Variants in KCNT1 observed in about 807,000 individuals in gnomAD.
KCNT1 encodes potassium sodium-activated channel subfamily T member 1.
A neutral mutation model predicts 147.8 loss-of-function variants in KCNT1; 78 were observed. The observed-to-expected ratio is 0.53, with a 90% confidence interval of 0.44 to 0.64. The LOEUF (loss-of-function observed/expected upper bound fraction) is 0.64, where lower values mean the gene tolerates loss of function less well. Among genes scored for constraint, KCNT1 ranks in the 30% least tolerant of loss-of-function variants. The pLI, the probability that KCNT1 is intolerant of heterozygous loss-of-function variation, is 0.00. For missense variants in KCNT1, 1,419 were observed against 1,750.3 expected (o/e 0.81, Z 3.38); for synonymous variants, 867 against 748.8 (o/e 1.16, Z -2.58).
chr9:135,785,827 G>A, intron 28 of KCNT1: 1 of 427,488 alleles, frequency 2.3e-6, no homozygotes, highest in East Asian at 4.9e-5. Flanking sequence ...ACGCAGAGGG[G>A]GTGACCTCTC....
At chr9:135,711,376 G>A (rs1375102010) in intron 1 of KCNT1, among the ~76,000 whole-genome samples, 1 of 152,206 alleles carries the variant, frequency 6.6e-6, no homozygotes, top group African/African-American at 2.4e-5. Context: ...ACAGCCCAAG[G>A]TGAACCTGGA....
intron 2 of KCNT1, among the ~76,000 whole-genome samples, chr9:135,743,739 A>G (rs1169181716): frequency 6.6e-6 from 1 of 152,248 alleles, no homozygotes; most frequent in Non-Finnish European, 1.5e-5. Context: ...GTCTGGACAC[A>G]GCCGATGTTC....
rs1364405450 is a variant in KCNT1, at chr9:135,734,718, C to T, written c.255-15380C>T. Among the ~76,000 whole-genome samples the T allele has an allele frequency of 5.9e-5, 9 of 152,296 alleles. No individual in the cohort carries two copies. In the South Asian group the frequency reaches 8.3e-4, roughly 14 times the overall value. On this transcript the variant is annotated intron_variant, in intron 2 of 30. Transcript: ENST00000371757. ...AGCAGCCGCCCCGGGTGGGCGCGCG[C>T]GTTTGCCTCCTGCGTGAGGCTTCCT...
chr9:135,760,817 A>T (rs560491650), intron 11 of KCNT1, among the ~76,000 whole-genome samples: 1 of 152,090 alleles, frequency 6.6e-6, no homozygotes, highest in African/African-American at 2.4e-5. Flanking sequence ...GCGTCTTTCC[A>T]TCTGGTTGTC....
At chr9:135,710,539 G>A (rs191231348) in intron 1 of KCNT1, among the ~76,000 whole-genome samples, 139 of 152,284 alleles carry the variant, frequency 9.1e-4, no homozygotes, top group Non-Finnish European at 1.6e-3. Context: ...ACCATAGGAC[G>A]AGGAGTGCCC....
chr9:135,778,788 G>A lies in KCNT1; in HGVS notation c.2695G>A (p.Ala899Thr), dbSNP rs778647834. The A allele has an allele frequency of 6.8e-6, 11 of 1,613,876 alleles. No homozygotes were observed. Among genetic ancestry groups the A allele is most frequent in the South Asian group, 2.2e-5 (2 of 91,090 alleles). The change falls in exon 23 of 31, where the codon GCC becomes ACC. Residue 899 changes from alanine to threonine, a missense_variant. Coordinates refer to ENST00000371757, the MANE Select transcript of KCNT1 (RefSeq NM_020822.3). The stretch of plus-strand genomic sequence containing the variant: ...CGCCGAGGAGGACTACATGGCGGAC[G>A]CCAAGACCATCGTCAACGTGCAGAC... ...MSAEEDYMAD[A>T]KTIVNVQTMF...
In KCNT1 at chr9:135,770,351, G is replaced by T. The variant is rs760272242; in HGVS notation, c.1673G>T (p.Gly558Val). Residue 558 changes from glycine to valine, a missense_variant, in exon 17 of 31, where the codon GGC (glycine) becomes GTC (valine). Around this residue, in one of 5 missense-constraint regions of KCNT1, gnomAD observed 284 missense variants for 292.8 expected, o/e 0.97. Coordinates refer to ENST00000371757, the MANE Select transcript of KCNT1 (RefSeq NM_020822.3). ...CAGCGCATGTATGGGCGCTGCTCCG[G>T]CAACGAGGTGTACCACATCCGCATG... The part of the protein sequence containing the change: ...QWQRMYGRCS[G>V]NEVYHIRMGD... 1 of 1,612,902 alleles carries T rather than the reference G, an allele frequency of 6.2e-7. No homozygotes were observed. Among genetic ancestry groups the T allele is most frequent in the Non-Finnish European group, 8.5e-7 (1 of 1,179,690 alleles).
chr9:135,731,960 G>GTGTATATATATATATATA (rs1471079492), intron 2 of KCNT1, among the ~76,000 whole-genome samples: 4 of 41,414 alleles, frequency 9.7e-5, no homozygotes, highest in Non-Finnish European at 1.4e-4. Context: ...AAATATGCGT[G>GTGTATATATATATATATA]TATATATATA....
At chr9:135,741,697 G>C (rs568819410) in intron 2 of KCNT1, among the ~76,000 whole-genome samples, 2 of 152,264 alleles carry the variant, frequency 1.3e-5, no homozygotes, top group African/African-American at 4.8e-5. Context: ...CCCACCCGGA[G>C]AGCCTGGCGT....
At chr9:135,763,981 C>T (rs1832086619) in intron 11 of KCNT1, among the ~76,000 whole-genome samples, 1 of 152,186 alleles carries the variant, frequency 6.6e-6, no homozygotes, top group Non-Finnish European at 1.5e-5. Flanking sequence ...TCCGGTCGCC[C>T]TGGAGTCTTG....
At chr9:135,783,986 T>G (rs1833819121) in intron 24 of KCNT1, 38 bp from the exon 25 acceptor site, 1 of 1,559,186 alleles carries the variant, frequency 6.4e-7, no homozygotes, top group Middle Eastern at 1.7e-4. Flanking sequence ...TGGAGGGACC[T>G]CGGCACCAGC....
In KCNT1 at chr9:135,759,321, C is replaced by T. The variant is rs899511147; in HGVS notation, c.855-358C>T. ...CCCACCCCTGTGTCACCCAAGCCCA[C>T]GCTGATGACACAGCCCTGCATCCCC... On this transcript the variant is annotated intron_variant, in intron 10 of 30. Transcript: ENST00000371757. Among the ~76,000 whole-genome samples the T allele has an allele frequency of 3.3e-5, 5 of 152,192 alleles. No individual in the cohort carries two copies. The South Asian group carries it at 6.2e-4, about 19-fold the overall frequency.
In KCNT1 at chr9:135,775,734, C is replaced by A. The variant is rs74694371; in HGVS notation, c.2349+319C>A. On this transcript the variant is annotated intron_variant, in intron 20 of 30. Transcript: ENST00000371757. The stretch of plus-strand genomic sequence containing the variant: ...TACATGCGTTCCCAAAGATCAAGAA[C>A]CATCTCGTAACTACAGCTCATTAGG... Among the ~76,000 whole-genome samples the A allele has an allele frequency of 0.02, 3,029 of 151,736 alleles. 105 individuals are homozygous for A. The highest frequency in any genetic ancestry group is 0.069 in the African/African-American group (2,852 of 41,212).
In KCNT1 at chr9:135,762,974, C is replaced by T. The variant is rs1025432151; in HGVS notation, c.1036-2057C>T. Among the ~76,000 whole-genome samples the T allele has an allele frequency of 2.0e-5, 3 of 152,264 alleles. No individual in the cohort carries two copies. The East Asian group carries it at 5.8e-4, about 29-fold the overall frequency. On this transcript the variant is annotated intron_variant, in intron 11 of 30. Transcript: ENST00000371757. ...GAGCTCCGTGTCCACAGTGGGGTCC[C>T]TCAGATCAGCCACTGCCTGACTGCC...
intron 1 of KCNT1, among the ~76,000 whole-genome samples, chr9:135,705,680 C>T (rs1835223482): frequency 6.6e-6 from 1 of 152,214 alleles, no homozygotes; most frequent in Non-Finnish European, 1.5e-5. Context: ...CCATGTTCAC[C>T]CAGACCCACT....
intron 2 of KCNT1, among the ~76,000 whole-genome samples, chr9:135,716,103 A>G (rs1216657736): frequency 6.6e-6 from 1 of 152,166 alleles, no homozygotes; most frequent in African/African-American, 2.4e-5. Context: ...GAGCCACACA[A>G]AGCTTCCCTA....
chr9:135,786,152 G>GGCAGCCTCACCCCTCCCC, intron 28 of KCNT1, 45 bp from the exon 29 acceptor site: 1 of 1,550,750 alleles, frequency 6.4e-7, no homozygotes, highest in South Asian at 1.2e-5. Context: ...CGACCCTCCC[G>GGCAGCCTCACCCCTCCCC]GCAGCCTCAC....
intron 21 of KCNT1, among the ~76,000 whole-genome samples, chr9:135,777,715 C>T (rs1833272747): frequency 6.8e-6 from 1 of 148,076 alleles, no homozygotes; most frequent in South Asian, 2.2e-4. Context: ...CCCACACCCA[C>T]TCCTGCTCCC....
chr9:135,712,127 G>A lies in KCNT1; in HGVS notation c.111-2450G>A, dbSNP rs117795016. 5.3e-3 allele frequency among the ~76,000 whole-genome samples: 806 copies of A among 152,246 alleles called. 5 individuals are homozygous for A. The highest frequency in any genetic ancestry group is 0.037 in the Middle Eastern group (11 of 294). On this transcript the variant is annotated intron_variant, in intron 1 of 30. Coordinates refer to ENST00000371757, the MANE Select transcript of KCNT1 (RefSeq NM_020822.3). ...CCAGAGAGTCCCCAAGAGGAGCAGC[G>A]GGGTGCTCTGAGCCCCTGGGCTGCC...
Sources: gnomAD v4.1 joint callset for allele counts (sites outside exome capture counted in the v4.1 genomes callset) on GRCh38, gnomAD v4.1.1 for gene constraint, gnomAD v4.1.1 regional missense constraint, MANE v1.5 for transcripts, NCBI Gene and HGNC (gene_info 2026-07-23, HGNC 2026-07-21) for gene names.